GRIK4: variants seen among roughly 807,000 people sequenced by gnomAD.
GRIK4 encodes the protein glutamate ionotropic receptor kainate type subunit 4.
Under a neutral mutation model 104.9 loss-of-function variants are expected in GRIK4, and 40 were observed. The ratio of observed to expected loss-of-function variants is 0.38; its 90% CI spans 0.30 to 0.50. GRIK4 has a LOEUF of 0.50. Among genes scored for constraint, GRIK4 ranks in the 20% least tolerant of loss-of-function variants. The pLI is 0.93. For missense variants in GRIK4, 1,047 were observed against 1,308.1 expected (o/e 0.80, Z 3.08); for synonymous variants, 485 against 524.9 (o/e 0.92, Z 1.04).
chr11:120,929,477 G>T (rs891618740), intron 13 of GRIK4, among the ~76,000 whole-genome samples: 1 of 152,082 alleles, frequency 6.6e-6, no homozygotes, highest in Non-Finnish European at 1.5e-5. Flanking sequence ...AAAGCCGCCC[G>T]CAGGTAAACT....
chr11:120,605,515 A>G (rs1319114275), intron 1 of GRIK4, among the ~76,000 whole-genome samples: 3 of 152,228 alleles, frequency 2.0e-5, no homozygotes, highest in Non-Finnish European at 4.4e-5. Flanking sequence ...TTCCCAGCTT[A>G]GCGTCTGAGT....
At position 120,774,362 on chromosome 11, in the gene GRIK4, T is replaced by G. The variant is rs1952000758; in HGVS notation, c.83-28331T>G. On this transcript the variant is annotated intron_variant, in intron 3 of 20. Transcript: ENST00000527524. ...TATTTGTGTGTGTGGAGAGAGAGATTGAGACTGACTGATATTAAGGAATTG... is the reference window on the plus strand; with the variant it reads ...TATTTGTGTGTGTGGAGAGAGAGATGGAGACTGACTGATATTAAGGAATTG... Among the ~76,000 whole-genome samples the G allele has an allele frequency of 2.6e-5, 4 of 152,030 alleles. No individual in the cohort carries two copies. In the South Asian group the frequency reaches 8.3e-4, roughly 32 times the overall value.
rs186187601 is a variant in GRIK4 at position 120,829,888 on chromosome 11, G to A, written c.512-1964G>A. ...CCACTGTTGTGGGGGCCAGTGGTGA[G>A]GGCCTGTGAGGGGCACAGATGGCGG... On this transcript the variant is annotated intron_variant, in intron 6 of 20. Transcript: ENST00000527524. 1.5e-3 allele frequency among the ~76,000 whole-genome samples: 233 copies of A among 152,334 alleles called. 1 individual carries two copies. Among genetic ancestry groups the A allele is most frequent in the Non-Finnish European group, 2.4e-3 (164 of 68,026 alleles).
At chr11:120,614,838 C>A (rs4245039) in intron 1 of GRIK4, among the ~76,000 whole-genome samples, 108,259 of 151,818 alleles carry the variant, frequency 0.71, 39,018 homozygotes, top group African/African-American at 0.77. Flanking sequence ...TCTCTACTAA[C>A]AATACAAAAA....
chr11:120,647,694 G>T (rs1949561842), intron 1 of GRIK4, among the ~76,000 whole-genome samples: 1 of 152,270 alleles, frequency 6.6e-6, no homozygotes, highest in Non-Finnish European at 1.5e-5. Context: ...AACTGCAGGG[G>T]CGCAGGGACA....
At chr11:120,749,908 G>A (rs1951517134) in intron 3 of GRIK4, among the ~76,000 whole-genome samples, 1 of 152,178 alleles carries the variant, frequency 6.6e-6, no homozygotes, top group Non-Finnish European at 1.5e-5. Context: ...AGTGGGTCCT[G>A]AGTTTAGGGT....
chr11:120,681,708 A>G (rs1056760391), intron 3 of GRIK4, among the ~76,000 whole-genome samples: 2 of 152,322 alleles, frequency 1.3e-5, no homozygotes, highest in Middle Eastern at 6.8e-3. Context: ...AACCTAAATC[A>G]TCCCCGTCAC....
chr11:120,943,579 GT>G (rs1225557852), intron 14 of GRIK4, among the ~76,000 whole-genome samples: 1 of 152,188 alleles, frequency 6.6e-6, no homozygotes, highest in East Asian at 1.9e-4. Flanking sequence ...ATATCATAGT[GT>G]TAAGGTAATG....
chr11:120,728,363 G>A (rs367988556), intron 3 of GRIK4, among the ~76,000 whole-genome samples: 2 of 152,060 alleles, frequency 1.3e-5, no homozygotes, highest in Admixed American at 6.5e-5. Flanking sequence ...TTATATTAAC[G>A]TAACATGTAA....
chr11:120,888,208 A>G (rs10502244), intron 11 of GRIK4, among the ~76,000 whole-genome samples: 2,135 of 152,246 alleles, frequency 0.014, 53 homozygotes, highest in African/African-American at 0.048. Flanking sequence ...TGTTTACTAA[A>G]TGTTTAACTG....
intron 14 of GRIK4, among the ~76,000 whole-genome samples, chr11:120,942,180 C>T (rs1943741276): frequency 6.6e-6 from 1 of 152,154 alleles, no homozygotes; most frequent in South Asian, 2.1e-4. Flanking sequence ...GGAAAGGGGG[C>T]AGGTATGATA....
intron 1 of GRIK4, among the ~76,000 whole-genome samples, chr11:120,652,223 T>TA (rs1713685638): frequency 6.6e-6 from 1 of 152,222 alleles, no homozygotes; most frequent in South Asian, 2.1e-4. Context: ...GTTCAGTTCT[T>TA]ACAACTGCAG....
At chr11:120,716,900 G>C (rs985541249) in intron 3 of GRIK4, among the ~76,000 whole-genome samples, 3 of 152,204 alleles carry the variant, frequency 2.0e-5, no homozygotes, top group African/African-American at 4.8e-5. Context: ...CCATTTATCA[G>C]CTCAGGGCCC....
At chr11:120,580,917 C>T (rs1336810062) in intron 1 of GRIK4, among the ~76,000 whole-genome samples, 5 of 152,166 alleles carry the variant, frequency 3.3e-5, no homozygotes, top group Admixed American at 1.3e-4. Context: ...TTTGCATCCT[C>T]ACTAGTATTA....
intron 10 of GRIK4, 68 bp downstream of exon 10, chr11:120,874,286 AC>A: frequency 7.7e-7 from 1 of 1,297,620 alleles, no homozygotes. Context: ...GGTTCAAGGT[AC>A]AAGAGTCCCT....
At chr11:120,537,661 G>C (rs1455636820) in intron 1 of GRIK4, among the ~76,000 whole-genome samples, 2 of 152,196 alleles carry the variant, frequency 1.3e-5, no homozygotes, top group Non-Finnish European at 2.9e-5. Context: ...TGTAGCGGGC[G>C]ATCATGGTGC....
intron 3 of GRIK4, among the ~76,000 whole-genome samples, chr11:120,742,958 C>T (rs1307314113): frequency 1.3e-5 from 2 of 152,194 alleles, no homozygotes; most frequent in African/African-American, 2.4e-5. Flanking sequence ...ATTGGCTGGG[C>T]ATGGTGGCTC....
At chr11:120,812,186 A>C (rs572693549) in intron 4 of GRIK4, among the ~76,000 whole-genome samples, 1 of 152,214 alleles carries the variant, frequency 6.6e-6, no homozygotes, top group Non-Finnish European at 1.5e-5. Context: ...CTGGCCCTTG[A>C]CCTGTAAAGC....
intron 3 of GRIK4, among the ~76,000 whole-genome samples, chr11:120,689,866 T>C (rs931360457): frequency 1.3e-5 from 2 of 152,224 alleles, no homozygotes; most frequent in Non-Finnish European, 2.9e-5. Flanking sequence ...GAACACCCTT[T>C]CATCTCCATG....
Sources: allele counts gnomAD v4.1 joint callset (sites outside exome capture counted in the v4.1 genomes callset), GRCh38; gene constraint gnomAD v4.1.1; transcripts MANE v1.5; gene names NCBI Gene and HGNC (gene_info 2026-07-23, HGNC 2026-07-21).